NELL1: variants seen among roughly 807,000 people sequenced by gnomAD.
The protein encoded by NELL1 is neural EGFL like 1, also known as protein kinase C-binding protein NELL1.
In NELL1, 76 loss-of-function variants were observed where a neutral mutation model predicts 107.4. That is an observed-to-expected ratio of 0.71 (90% CI 0.59 to 0.86). The LOEUF is 0.86. Among genes scored for constraint, NELL1 ranks in the 40% least tolerant of loss-of-function variants. The pLI is 0.00. For synonymous variants in NELL1, 353 were observed against 341.2 expected (o/e 1.03, Z -0.38); for missense variants, 1,024 against 1,005.5 (o/e 1.02, Z -0.25).
chr11:21,337,746 T>TTCTTTCTC (rs1476995000), intron 14 of NELL1, among the ~76,000 whole-genome samples: 4 of 122,236 alleles, frequency 3.3e-5, no homozygotes, highest in Non-Finnish European at 6.6e-5. Context: ...CTTTCTTTCT[T>TTCTTTCTC]TCTTTCTTTC....
chr11:20,978,224 G>A (rs190177846), intron 12 of NELL1, among the ~76,000 whole-genome samples: 44 of 152,246 alleles, frequency 2.9e-4, no homozygotes, highest in African/African-American at 9.9e-4. Context: ...TGATTCAGTC[G>A]TGGTTGACAA....
intron 15 of NELL1, among the ~76,000 whole-genome samples, chr11:21,483,905 T>A (rs1432185914): frequency 1.4e-5 from 2 of 142,188 alleles, no homozygotes; most frequent in East Asian, 2.1e-4. Flanking sequence ...ATATATAAAA[T>A]ATTCCATTAT....
At chr11:21,077,515 G>T (rs1426392554) in intron 12 of NELL1, among the ~76,000 whole-genome samples, 1 of 152,098 alleles carries the variant, frequency 6.6e-6, no homozygotes, top group Non-Finnish European at 1.5e-5. Context: ...GGGCGAGGCA[G>T]GTGGATCACT....
At chr11:21,427,110 G>C (rs1375199764) in intron 15 of NELL1, among the ~76,000 whole-genome samples, 1 of 152,164 alleles carries the variant, frequency 6.6e-6, no homozygotes, top group African/African-American at 2.4e-5. Flanking sequence ...AACAAAGTCA[G>C]CATGAAACAG....
At chr11:20,716,820 A>G (rs1275592173) in intron 2 of NELL1, among the ~76,000 whole-genome samples, 1 of 152,246 alleles carries the variant, frequency 6.6e-6, no homozygotes, top group Non-Finnish European at 1.5e-5. Context: ...ATTAGTTAAT[A>G]TAATGTATTA....
At chr11:21,127,620 AGAAGAGGAG>A (rs1350925151) in intron 13 of NELL1, among the ~76,000 whole-genome samples, 1 of 150,498 alleles carries the variant, frequency 6.6e-6, no homozygotes, top group Non-Finnish European at 1.5e-5. Context: ...AAGAGGAAGA[AGAAGAGGAG>A]GAAGAGGAGG....
chr11:20,858,254 G>T (rs1397153050), intron 4 of NELL1, among the ~76,000 whole-genome samples: 6 of 152,238 alleles, frequency 3.9e-5, no homozygotes, highest in Non-Finnish European at 8.8e-5. Flanking sequence ...TTAAGGAAGT[G>T]CACCCCCCTA....
chr11:20,942,872 G>A (rs959806933), intron 10 of NELL1, among the ~76,000 whole-genome samples: 1 of 152,040 alleles, frequency 6.6e-6, no homozygotes. Flanking sequence ...GGAAGCTGTG[G>A]GTGACTCTAG....
chr11:21,146,850 C>A (rs1023717189), intron 13 of NELL1, among the ~76,000 whole-genome samples: 1 of 152,096 alleles, frequency 6.6e-6, no homozygotes, highest in Non-Finnish European at 1.5e-5. Flanking sequence ...TCGAGACCAG[C>A]CTGACCAATA....
At chr11:21,201,198 C>G (rs575837451) in intron 13 of NELL1, among the ~76,000 whole-genome samples, 1 of 152,186 alleles carries the variant, frequency 6.6e-6, no homozygotes, top group South Asian at 2.1e-4. Context: ...GGGGATAGCA[C>G]TGAATCTATA....
chr11:20,736,060 T>C (rs1018855583), intron 2 of NELL1, among the ~76,000 whole-genome samples: 3 of 152,020 alleles, frequency 2.0e-5, no homozygotes, highest in African/African-American at 7.2e-5. Flanking sequence ...ATAATGAATA[T>C]GGATTTATGA....
chr11:20,867,713 TTTTA>T (rs1281234458), intron 4 of NELL1, among the ~76,000 whole-genome samples: 11 of 152,152 alleles, frequency 7.2e-5, no homozygotes, highest in Admixed American at 2.0e-4. Flanking sequence ...TCCTTCTTAT[TTTTA>T]TTTGTTTCTG....
intron 15 of NELL1, among the ~76,000 whole-genome samples, chr11:21,393,182 G>C (rs1054904418): frequency 1.3e-5 from 2 of 151,766 alleles, no homozygotes; most frequent in East Asian, 2.0e-4. Flanking sequence ...ATGCCACAGA[G>C]ATGAGCTCTG....
intron 4 of NELL1, among the ~76,000 whole-genome samples, chr11:20,860,613 G>A (rs1214329109): frequency 6.6e-6 from 1 of 152,222 alleles, no homozygotes; most frequent in Non-Finnish European, 1.5e-5. Flanking sequence ...ATGAATATCA[G>A]GCACAAGGAA....
At chr11:21,349,813 A>T (rs6483767) in intron 14 of NELL1, among the ~76,000 whole-genome samples, 104,848 of 151,912 alleles carry the variant, frequency 0.69, 36,354 homozygotes, top group African/African-American at 0.75. Flanking sequence ...GATCCTAGAT[A>T]GGTCCATGTG....
At chr11:21,393,743 G>C (rs1238004146) in intron 15 of NELL1, among the ~76,000 whole-genome samples, 1 of 151,616 alleles carries the variant, frequency 6.6e-6, no homozygotes. Context: ...GAAATGATGG[G>C]TAGAGCAGTA....
intron 14 of NELL1, among the ~76,000 whole-genome samples, chr11:21,304,853 T>A (rs1849574057): frequency 6.6e-6 from 1 of 151,980 alleles, no homozygotes; most frequent in African/African-American, 2.4e-5. Flanking sequence ...AATAATATGA[T>A]GCACACTTTT....
Position 21,128,549 on chromosome 11 carries a change from G to T in NELL1, c.1426+14835G>T, listed in dbSNP as rs568495189. 3.3e-3 allele frequency among the ~76,000 whole-genome samples: 496 copies of T among 152,254 alleles called. 2 individuals carry two copies. The highest frequency in any genetic ancestry group is 0.011 in the African/African-American group (471 of 41,564). Reference sequence around the variant, plus strand: ...AAATGTGCCTGGAGAAATCTTACTTGTGAATCATCAAAATCTTTAGTATTT... The same window carrying T: ...AAATGTGCCTGGAGAAATCTTACTTTTGAATCATCAAAATCTTTAGTATTT... On this transcript the variant is annotated intron_variant, in intron 13 of 19. Coordinates refer to ENST00000357134, the MANE Select transcript of NELL1 (RefSeq NM_006157.5).
chr11:21,408,666 G>A (rs1852292107), intron 15 of NELL1, among the ~76,000 whole-genome samples: 1 of 151,970 alleles, frequency 6.6e-6, no homozygotes, highest in Non-Finnish European at 1.5e-5. Context: ...AAGCTCTTTA[G>A]TTTAATTAGA....
Sources: allele counts gnomAD v4.1 joint callset (sites outside exome capture counted in the v4.1 genomes callset), GRCh38; gene constraint gnomAD v4.1.1; transcripts MANE v1.5; gene names NCBI Gene and HGNC (gene_info 2026-07-23, HGNC 2026-07-21).